The following PLCB1 variants were observed in gnomAD, a reference collection of about 807,000 sequenced individuals.
PLCB1 encodes phospholipase C beta 1, also known as 1-phosphatidylinositol 4,5-bisphosphate phosphodiesterase beta-1.
Under a neutral mutation model 161.8 loss-of-function variants are expected in PLCB1, and 46 were observed. The observed-to-expected ratio is 0.28, with a 90% CI of 0.22 to 0.36. PLCB1 has a LOEUF of 0.36. Ranked by LOEUF, PLCB1 falls within the 10% of genes least tolerant of loss-of-function variation. The probability of loss-of-function intolerance (pLI) is 1.00; values close to 1 mark genes in which losing one functional copy is unlikely to be tolerated. For missense variants in PLCB1, 1,016 were observed against 1,472.5 expected, an observed-to-expected ratio of 0.69 and a Z score of 5.07; for synonymous variants, 517 against 503.7, an observed-to-expected ratio of 1.03 and a Z score of -0.35.
At chr20:8,533,547 A>G (rs1172194216) in intron 3 of PLCB1, among the ~76,000 whole-genome samples, 1 of 151,966 alleles carries the variant, frequency 6.6e-6, no homozygotes, top group Admixed American at 6.6e-5. Flanking sequence ...CTGTTTAATG[A>G]TTGCCATTCT....
Position 8,621,644 on chromosome 20 carries a change from G to T in PLCB1, c.247-6650G>T, listed in dbSNP as rs532618429. The stretch of plus-strand genomic sequence containing the variant: ...ACTGCCTAAAATATCGCTAAACAAG[G>T]TAACTTGAATGAGTGCTATTTAAGT... On this transcript the variant is annotated intron_variant, in intron 3 of 31. Transcript: ENST00000338037. Among the ~76,000 whole-genome samples the T allele has an allele frequency of 5.3e-5, 8 of 152,214 alleles. No individual in the cohort carries two copies. In the East Asian group the frequency reaches 1.5e-3, roughly 29 times the overall value.
At chr20:8,796,305 T>G (rs901180338) in intron 31 of PLCB1, among the ~76,000 whole-genome samples, 2 of 152,218 alleles carry the variant, frequency 1.3e-5, no homozygotes, top group African/African-American at 4.8e-5. Context: ...CTCATCCCTC[T>G]GCTTGAAGTT....
chr20:8,577,152 G>A (rs963728036), intron 3 of PLCB1, among the ~76,000 whole-genome samples: 11 of 152,080 alleles, frequency 7.2e-5, no homozygotes, highest in Non-Finnish European at 1.0e-4. Flanking sequence ...TCTTGAGGCC[G>A]GATGCGGTGG....
chr20:8,254,011 A>G (rs1191004561), intron 2 of PLCB1, among the ~76,000 whole-genome samples: 1 of 151,916 alleles, frequency 6.6e-6, no homozygotes, highest in Non-Finnish European at 1.5e-5. Flanking sequence ...TTTCTTTATC[A>G]AATCCACCCT....
In PLCB1 at chr20:8,367,069, G is replaced by A. The variant is rs573797631; in HGVS notation, c.178-4313G>A. Among the ~76,000 whole-genome samples, 64 of 152,268 alleles carry A rather than the reference G, an allele frequency of 4.2e-4. 1 individual carries two copies. The South Asian group carries it at 0.013, about 32-fold the overall frequency. On this transcript the variant is annotated intron_variant, in intron 2 of 31. Transcript: ENST00000338037. ...ATAGAATATGATTTAATCCTAAAGA[G>A]AAATTATTAAAATAGCAGTCGATGG...
At position 8,645,044 on chromosome 20, in the gene PLCB1, G is replaced by C. The variant is rs1168432701; in HGVS notation, c.385-1058G>C. On this transcript the variant is annotated intron_variant, in intron 4 of 31. Coordinates refer to ENST00000338037, the MANE Select transcript of PLCB1 (RefSeq NM_015192.4). ...CCCAACCCTGTGCTCTCTGAAACAT[G>C]TGCTGTGTCCACTCAGGGTTAAATG... Among the ~76,000 whole-genome samples, 5 of 152,272 alleles carry C rather than the reference G, an allele frequency of 3.3e-5. No individual in the cohort carries two copies. In the East Asian group the frequency reaches 9.7e-4, roughly 29 times the overall value.
intron 31 of PLCB1, among the ~76,000 whole-genome samples, chr20:8,845,570 T>G (rs1200118478): frequency 6.6e-6 from 1 of 152,310 alleles, no homozygotes; most frequent in African/African-American, 2.4e-5. Flanking sequence ...ACAGAGAACA[T>G]TTCCATCATT....
chr20:8,647,825 G>T, intron 5 of PLCB1, 75 bp from the exon 6 acceptor site: 2 of 1,127,682 alleles, frequency 1.8e-6, no homozygotes, highest in South Asian at 1.3e-5. Context: ...GGGCTTTTTT[G>T]AGTGTATTTT....
chr20:8,264,057 T>C (rs550710646), intron 2 of PLCB1, among the ~76,000 whole-genome samples: 123 of 152,356 alleles, frequency 8.1e-4, no homozygotes, highest in African/African-American at 2.9e-3. Flanking sequence ...AACACTCAGC[T>C]TGAAACACAA....
chr20:8,216,736 G>A (rs561406540), intron 2 of PLCB1, among the ~76,000 whole-genome samples: 12 of 152,094 alleles, frequency 7.9e-5, no homozygotes, highest in Non-Finnish European at 1.5e-4. Context: ...AAATGATATA[G>A]CATAAGAGGG....
At chr20:8,859,218 T>G (rs913503324) in intron 31 of PLCB1, among the ~76,000 whole-genome samples, 15 of 152,222 alleles carry the variant, frequency 9.9e-5, no homozygotes. Context: ...GAACTTTAAT[T>G]AATAAAGAAG....
intron 3 of PLCB1, among the ~76,000 whole-genome samples, chr20:8,563,647 G>A (rs1393841275): frequency 6.6e-6 from 1 of 152,092 alleles, no homozygotes; most frequent in Non-Finnish European, 1.5e-5. Flanking sequence ...CTTCAGCATA[G>A]TCTCAGGATA....
intron 2 of PLCB1, among the ~76,000 whole-genome samples, chr20:8,227,889 C>T (rs568997586): frequency 1.3e-5 from 2 of 152,208 alleles, no homozygotes; most frequent in African/African-American, 4.8e-5. Flanking sequence ...GAGTGACTCC[C>T]AGATTTTATC....
rs376702770 is a variant in PLCB1 at position 8,793,688 on chromosome 20, G to A, written c.3423+3427G>A. On this transcript the variant is annotated intron_variant, in intron 31 of 31. Transcript: ENST00000338037. Reference sequence around the variant, plus strand: ...AAGTGGAGGCAGGGCGAGATCACAGGACCACAGGACCACAGGACCGAGGCA... The same window carrying A: ...AAGTGGAGGCAGGGCGAGATCACAGAACCACAGGACCACAGGACCGAGGCA... Among the ~76,000 whole-genome samples, 7 of 152,302 alleles carry A rather than the reference G, an allele frequency of 4.6e-5. 1 individual carries two copies. The highest frequency in any genetic ancestry group is 1.7e-4 in the African/African-American group (7 of 41,566).
chr20:8,363,368 A>T (rs1465570734), intron 2 of PLCB1, among the ~76,000 whole-genome samples: 1 of 152,102 alleles, frequency 6.6e-6, no homozygotes, highest in African/African-American at 2.4e-5. Flanking sequence ...TGTTGCCAGA[A>T]TTCAGTTCCT....
chr20:8,647,373 A>C (rs1989197674), intron 5 of PLCB1, among the ~76,000 whole-genome samples: 1 of 152,176 alleles, frequency 6.6e-6, no homozygotes, highest in Non-Finnish European at 1.5e-5. Context: ...CTCCCTATGA[A>C]TAGCTACTAT....
chr20:8,663,873 C>T (rs1358013673), intron 9 of PLCB1, among the ~76,000 whole-genome samples: 2 of 152,020 alleles, frequency 1.3e-5, no homozygotes, highest in Admixed American at 6.6e-5. Flanking sequence ...TCATGAATAT[C>T]GTACTTTCAA....
At chr20:8,775,947 G>A (rs554442808) in intron 27 of PLCB1, among the ~76,000 whole-genome samples, 1 of 152,134 alleles carries the variant, frequency 6.6e-6, no homozygotes, top group Non-Finnish European at 1.5e-5. Flanking sequence ...TAAGACGAAA[G>A]CAGTGAAAGA....
At chr20:8,179,212 G>A (rs4407321) in intron 2 of PLCB1, among the ~76,000 whole-genome samples, 47,515 of 151,940 alleles carry the variant, frequency 0.31, 9,586 homozygotes, top group African/African-American at 0.58. Context: ...GAGTTTGTAC[G>A]TTGCTTTGGG....
Sources: allele counts gnomAD v4.1 joint callset (sites outside exome capture counted in the v4.1 genomes callset), GRCh38; gene constraint gnomAD v4.1.1; transcripts MANE v1.5; gene names NCBI Gene and HGNC (gene_info 2026-07-23, HGNC 2026-07-21).